SPG11: variants seen among roughly 807,000 people sequenced by gnomAD.
The protein encoded by SPG11 is spatacsin.
A neutral mutation model predicts 274.0 loss-of-function variants in SPG11; 222 were observed. That is an observed-to-expected ratio of 0.81 (90% CI 0.73 to 0.91). The LOEUF (loss-of-function observed/expected upper bound fraction) is 0.91. Among genes scored for constraint, SPG11 ranks in the 40% least tolerant of loss-of-function variants. The pLI is 0.00. For synonymous variants in SPG11, 1,144 were observed against 1,039.7 expected, an observed-to-expected ratio of 1.10 and a Z score of -1.93; for missense variants, 3,114 against 2,872.7, an observed-to-expected ratio of 1.08 and a Z score of -1.92.
intron 20 of SPG11, among the ~76,000 whole-genome samples, chr15:44,601,316 A>G (rs1456580853): frequency 1.3e-5 from 2 of 151,362 alleles, no homozygotes; most frequent in Non-Finnish European, 2.9e-5. Flanking sequence ...ACTGGAGTGC[A>G]GTGGCATAAT....
intron 29 of SPG11, 59 bp downstream of exon 29, chr15:44,585,577 G>C: frequency 7.0e-7 from 1 of 1,438,032 alleles, no homozygotes; most frequent in Non-Finnish European, 9.6e-7. Context: ...ACTCCAGCCT[G>C]GGTGACAGAG....
chr15:44,627,276 G>T (rs988266234), intron 10 of SPG11, among the ~76,000 whole-genome samples: 1 of 152,132 alleles, frequency 6.6e-6, no homozygotes, highest in Non-Finnish European at 1.5e-5. Context: ...TTAAACTGAA[G>T]ATCTAAACAC....
chr15:44,650,251 G>A (rs2084728596), intron 6 of SPG11, among the ~76,000 whole-genome samples: 1 of 152,156 alleles, frequency 6.6e-6, no homozygotes, highest in Non-Finnish European at 1.5e-5. Context: ...AAGCATGGTG[G>A]CTCACGCCTG....
chr15:44,612,372 T>C (rs527848461), intron 17 of SPG11, among the ~76,000 whole-genome samples: 12 of 152,310 alleles, frequency 7.9e-5, no homozygotes, highest in African/African-American at 2.9e-4. Context: ...TTTTCCTATG[T>C]ACCTAGGCTA....
At position 44,595,473 on chromosome 15, in the gene SPG11, A is replaced by C; in HGVS notation, c.4435-14T>G. The C allele has an allele frequency of 6.2e-7, 1 of 1,613,454 alleles. No homozygotes were observed. Among genetic ancestry groups the C allele is most frequent in the South Asian group, 1.1e-5 (1 of 91,078 alleles). On this transcript the variant is annotated splice_polypyrimidine_tract_variant and intron_variant, in intron 25 of 39. Coordinates refer to ENST00000261866, the MANE Select transcript of SPG11 (RefSeq NM_025137.4). ...GGCACTGGCACCCTGCCACGGGATA[A>C]ATAAAATAACAACTAGGCCTGGATT...
chr15:44,659,943 C>G (rs1194231021), intron 2 of SPG11, among the ~76,000 whole-genome samples: 1 of 152,206 alleles, frequency 6.6e-6, no homozygotes, highest in African/African-American at 2.4e-5. Context: ...CGCCTGTAGT[C>G]TAAGCTACTC....
intron 20 of SPG11, among the ~76,000 whole-genome samples, chr15:44,604,931 C>CAAAAAAAAAAAAAAAA (rs908048525): frequency 4.4e-5 from 1 of 22,488 alleles, no homozygotes; most frequent in African/African-American, 2.0e-4. Context: ...ACTCCATCTC[C>CAAAAAAAAAAAAAAAA]AAAAAAAAAA....
In SPG11 at chr15:44,657,324, C is replaced by T. The variant is rs749231608; in HGVS notation, c.668-28G>A. The T allele has an allele frequency of 1.2e-6, 2 of 1,605,936 alleles. No homozygotes were observed. Among genetic ancestry groups the T allele is most frequent in the Non-Finnish European group, 1.7e-6 (2 of 1,173,082 alleles). On this transcript the variant is annotated intron_variant, in intron 3 of 39. Transcript: ENST00000261866. Reference sequence around the variant, plus strand: ...TTTAGTTAGAGTTAAAAGAAAATGCCAGTTTTGTAAGTATGCCTAACTATT... The same window carrying T: ...TTTAGTTAGAGTTAAAAGAAAATGCTAGTTTTGTAAGTATGCCTAACTATT...
At chr15:44,589,853 T>A (rs941851064) in intron 27 of SPG11, among the ~76,000 whole-genome samples, 1 of 152,266 alleles carries the variant, frequency 6.6e-6, no homozygotes, top group African/African-American at 2.4e-5. Flanking sequence ...TTGCCTAGGC[T>A]GGAGTACAGT....
chr15:44,625,973 C>T (rs567967440), intron 11 of SPG11, among the ~76,000 whole-genome samples: 3 of 152,228 alleles, frequency 2.0e-5, no homozygotes, highest in Non-Finnish European at 4.4e-5. Flanking sequence ...AGCCACCACG[C>T]CCGGCTCAGG....
At chr15:44,624,655 G>C (rs1158479739) in intron 11 of SPG11, among the ~76,000 whole-genome samples, 3 of 152,142 alleles carry the variant, frequency 2.0e-5, no homozygotes, top group Non-Finnish European at 4.4e-5. Context: ...GAAATCTGTT[G>C]AGAGTAGATC....
chr15:44,633,541 G>T lies in SPG11; in HGVS notation c.1699C>A (p.Gln567Lys), dbSNP rs1211344067. Reference sequence around the variant, plus strand: ...AAATGGGATGACAAGTGATCAAACTGATCAGATACAGAAGATTTTGAGGAT... The same window carrying T: ...AAATGGGATGACAAGTGATCAAACTTATCAGATACAGAAGATTTTGAGGAT... ...NPSSKSSVSD[Q>K]FDHLSSHLYL... Residue 567 changes from glutamine to lysine, a missense_variant, in exon 8 of 40, where the codon CAG (glutamine) becomes AAG (lysine). Transcript: ENST00000261866. 3 of 1,608,620 alleles carry T rather than the reference G, an allele frequency of 1.9e-6. No homozygotes were observed. The Admixed American group carries it at 5.0e-5, about 27-fold the overall frequency.
intron 10 of SPG11, among the ~76,000 whole-genome samples, chr15:44,627,262 ATACT>A (rs2083927557): frequency 2.0e-5 from 3 of 152,352 alleles, no homozygotes; most frequent in Middle Eastern, 6.8e-3. Flanking sequence ...GTGAAAAGAA[ATACT>A]TAAACTGAAG....
chr15:44,577,068 T>A (rs1452081580), intron 30 of SPG11, among the ~76,000 whole-genome samples: 3 of 152,172 alleles, frequency 2.0e-5, no homozygotes, highest in African/African-American at 7.2e-5. Context: ...CCTCAGGTGA[T>A]CTGCCCACCT....
At chr15:44,651,414 A>T in intron 6 of SPG11, 77 bp downstream of exon 6, 2 of 1,281,656 alleles carry the variant, frequency 1.6e-6, no homozygotes, top group Non-Finnish European at 2.2e-6. Context: ...AAGAGCAGGC[A>T]CTGAGGCAGA....
chr15:44,651,687 T>C lies in SPG11; in HGVS notation c.1260A>G (p.Glu420=). 1 of 1,614,238 alleles carries C rather than the reference T, an allele frequency of 6.2e-7. No individual in the cohort carries two copies. The highest frequency in any genetic ancestry group is 1.1e-5 in the South Asian group (1 of 91,082). The change falls in exon 6 of 40, where the codon GAA becomes GAG. Residue 420 remains glutamate (E), a synonymous_variant. Transcript: ENST00000261866. ...GRSWKIMHIS[E]QEEPIELKCV... is the part of the protein sequence containing the mutation. ...ATTTAAGCTCTATGGGTTCCTCTTG[T>C]TCACTGATGTGCATTATTTTCCATG...
At position 44,585,647 on chromosome 15, in the gene SPG11, C is replaced by T. The variant is rs931856984; in HGVS notation, c.5110G>A (p.Val1704Ile). ...AAGACCGATGATACCTCTTTAATAA[C>T]CAAGTTGTCCACAGGTAACTCAGCT... ...ELAELPVDNL[V>I]IKEITQEMQT... Residue 1704 changes from valine (V) to isoleucine (I), a missense_variant, in exon 29 of 40, where the codon GTT (valine) becomes ATT (isoleucine). Physicochemically the swap from Val to Ile is conservative, Grantham distance 29. Coordinates refer to ENST00000261866, the MANE Select transcript of SPG11 (RefSeq NM_025137.4). 1 of 1,589,856 alleles carries T rather than the reference C, an allele frequency of 6.3e-7. No homozygotes were observed. The highest frequency in any genetic ancestry group is 8.6e-7 in the Non-Finnish European group (1 of 1,161,270).
chr15:44,580,615 A>G (rs920679015), intron 30 of SPG11, among the ~76,000 whole-genome samples: 14 of 152,198 alleles, frequency 9.2e-5, no homozygotes, highest in African/African-American at 3.1e-4. Flanking sequence ...TGTCTGTACT[A>G]AAAATACAAA....
At chr15:44,595,118 G>C (rs958290772) in intron 26 of SPG11, 141 bp downstream of exon 26, 2 of 860,458 alleles carry the variant, frequency 2.3e-6, no homozygotes, top group Middle Eastern at 3.4e-4. Flanking sequence ...CGCCTGGCCA[G>C]TAAGTGGTAC....
Sources: allele counts gnomAD v4.1 joint callset (sites outside exome capture counted in the v4.1 genomes callset), GRCh38; gene constraint gnomAD v4.1.1; transcripts MANE v1.5; gene names NCBI Gene and HGNC (gene_info 2026-07-23, HGNC 2026-07-21).